Variants in HUS1 observed in about 807,000 individuals in gnomAD.
HUS1 encodes checkpoint protein HUS1.
A neutral mutation model predicts 32.6 loss-of-function variants in HUS1; 31 were observed. That is an observed-to-expected ratio of 0.95 (90% CI 0.72 to 1.28). The LOEUF is 1.28. Among genes scored for constraint, HUS1 ranks in the 50% most tolerant of loss-of-function variants. HUS1 has a pLI of 0.00. For synonymous variants in HUS1, 123 were observed against 116.6 expected (o/e 1.06, Z -0.36); for missense variants, 340 against 337.7 (o/e 1.01, Z -0.05).
chr7:47,975,692 A>G lies in HUS1; in HGVS notation c.466-5T>C. 1.3e-6 allele frequency: 2 copies of G among 1,548,752 alleles called. No individual in the cohort carries two copies. Among genetic ancestry groups the G allele is most frequent in the Non-Finnish European group, 1.8e-6 (2 of 1,128,172 alleles). ...GACTGGTAAATAAATACTAACCTAC[A>G]AAACCAATGAGAAAAAAGCACAAGT... On this transcript the variant is annotated splice_region_variant and splice_polypyrimidine_tract_variant and intron_variant, in intron 4 of 7. Transcript: ENST00000258774.
At chr7:47,968,796 TTTTGC>T (rs1788534131) in intron 6 of HUS1, 1 of 159,710 alleles carries the variant, frequency 6.3e-6, no homozygotes, top group Non-Finnish European at 1.4e-5. Context: ...AGTGAAACAG[TTTTGC>T]ATCTGCTACA....
At chr7:47,975,396 T>C (rs1788681653) in intron 5 of HUS1, among the ~76,000 whole-genome samples, 2 of 151,466 alleles carry the variant, frequency 1.3e-5, no homozygotes. Context: ...AAGGCAAATA[T>C]AAAAGCTTTC....
intron 5 of HUS1, among the ~76,000 whole-genome samples, chr7:47,975,381 G>T (rs910866649): frequency 1.4e-4 from 21 of 151,390 alleles, no homozygotes; most frequent in African/African-American, 5.1e-4. Flanking sequence ...AAAACAGGCA[G>T]ATTAAAGGCA....
intron 5 of HUS1, among the ~76,000 whole-genome samples, chr7:47,972,866 T>G (rs1055884192): frequency 6.6e-6 from 1 of 152,188 alleles, no homozygotes. Context: ...AGATAACATT[T>G]GAAGTACAAT....
At chr7:47,967,354 G>C (rs1473545291) in intron 7 of HUS1, among the ~76,000 whole-genome samples, 1 of 152,188 alleles carries the variant, frequency 6.6e-6, no homozygotes, top group Non-Finnish European at 1.5e-5. Flanking sequence ...ACAGATATGG[G>C]GCAGCGAATG....
At position 47,965,288 on chromosome 7, in the gene HUS1, A is replaced by G; in HGVS notation, c.*68T>C. 2.0e-6 allele frequency: 2 copies of G among 1,003,098 alleles called. No individual in the cohort carries two copies. Among genetic ancestry groups the G allele is most frequent in the Non-Finnish European group, 3.2e-6 (2 of 623,306 alleles). The allele number at this position is 1,003,098 out of a possible 1,614,324, so 62.1% of individuals were successfully genotyped here. On this transcript the variant is annotated 3_prime_UTR_variant, in exon 8 of 8. Transcript: ENST00000258774. Reference sequence around the variant, plus strand: ...GCTGTGAGGGCACAGACCAGTGATCAGAACACAACACCTGCGGCCTCTCCC... The same window carrying G: ...GCTGTGAGGGCACAGACCAGTGATCGGAACACAACACCTGCGGCCTCTCCC...
intron 5 of HUS1, among the ~76,000 whole-genome samples, chr7:47,973,896 CCT>C (rs1788646641): frequency 6.6e-6 from 1 of 152,334 alleles, no homozygotes; most frequent in African/African-American, 2.4e-5. Flanking sequence ...CTCTCCTGGG[CCT>C]CTCTGAATTT....
intron 5 of HUS1, among the ~76,000 whole-genome samples, chr7:47,974,961 C>T (rs1365972845): frequency 1.3e-5 from 2 of 152,222 alleles, no homozygotes; most frequent in African/African-American, 4.8e-5. Context: ...AAACTCCAAA[C>T]TCACTGTCAG....
intron 5 of HUS1, chr7:47,971,468 C>T (rs1230941098): frequency 2.2e-6 from 1 of 456,616 alleles, no homozygotes; most frequent in Non-Finnish European, 4.4e-6. Context: ...TCCTTTGAAG[C>T]TCCTCTACCC....
intron 1 of HUS1, among the ~76,000 whole-genome samples, chr7:47,979,123 G>A (rs529926976): frequency 6.6e-6 from 1 of 152,190 alleles, no homozygotes; most frequent in African/African-American, 2.4e-5. Context: ...GCAAGGTTAG[G>A]CACTGTCAGG....
intron 3 of HUS1, 116 bp from the exon 4 acceptor site, chr7:47,976,953 C>A: frequency 1.5e-6 from 1 of 645,782 alleles, no homozygotes; most frequent in Non-Finnish European, 2.7e-6. Flanking sequence ...GGAATGCTGT[C>A]AGTTTATTCA....
At chr7:47,968,887 C>A in intron 6 of HUS1, 1 of 180,644 alleles carries the variant, frequency 5.5e-6, no homozygotes, top group Non-Finnish European at 1.1e-5. Flanking sequence ...GAATCCATGC[C>A]AGGTGAGAAA....
At position 47,978,708 on chromosome 7, in the gene HUS1, A is replaced by G; in HGVS notation, c.161T>C (p.Met54Thr). The change falls in exon 2 of 8, where the codon ATG becomes ACG. Residue 54 changes from methionine to threonine, a missense_variant. By Grantham distance (81) the Met-to-Thr change is moderately conservative. Coordinates refer to ENST00000258774, the MANE Select transcript of HUS1 (RefSeq NM_004507.4). ...GCTCACCTGTTCCAGCTCACACCAC[A>G]TGCTCACTCCTCCATTAGCCAGCTT... ...CDKLANGGVS[M>T]WCELEQENFF... 2 of 1,614,162 alleles carry G rather than the reference A, an allele frequency of 1.2e-6. No individual in the cohort carries two copies. Among genetic ancestry groups the G allele is most frequent in the Non-Finnish European group, 1.7e-6 (2 of 1,180,010 alleles).
At chr7:47,965,953 T>C (rs1014796871) in intron 7 of HUS1, among the ~76,000 whole-genome samples, 1 of 150,546 alleles carries the variant, frequency 6.6e-6, no homozygotes, top group Admixed American at 6.6e-5. Flanking sequence ...AAAGAGCACA[T>C]GAGGGTGGGC....
intron 4 of HUS1, chr7:47,976,365 T>C (rs1562590423): frequency 2.2e-6 from 1 of 460,810 alleles, no homozygotes; most frequent in East Asian, 6.8e-5. Context: ...TCTTCTCTTC[T>C]TGGCTTTCGT....
At chr7:47,972,684 C>A (rs1412555431) in intron 5 of HUS1, among the ~76,000 whole-genome samples, 1 of 113,364 alleles carries the variant, frequency 8.8e-6, no homozygotes, top group African/African-American at 2.9e-5. Flanking sequence ...CCTGTCATAG[C>A]TGCACTGTTA....
intron 7 of HUS1, among the ~76,000 whole-genome samples, chr7:47,966,679 C>A (rs546950022): frequency 1.7e-4 from 26 of 152,280 alleles, no homozygotes; most frequent in African/African-American, 6.0e-4. Context: ...CTTTACATGA[C>A]CTTCAGGCGA....
chr7:47,968,046 G>A, intron 6 of HUS1, 121 bp from the exon 7 acceptor site: 2 of 939,438 alleles, frequency 2.1e-6, no homozygotes, highest in Non-Finnish European at 3.1e-6. Flanking sequence ...GCATCCTGAA[G>A]AAATATTGCA....
chr7:47,967,692 CTT>C (rs10711783), intron 7 of HUS1, 112 bp downstream of exon 7: 23,931 of 669,526 alleles, frequency 0.036, no homozygotes, highest in East Asian at 0.044. Flanking sequence ...CATAATTGAG[CTT>C]TTTTTTTTTT....
Sources: gnomAD v4.1 joint callset for allele counts (sites outside exome capture counted in the v4.1 genomes callset) on GRCh38, gnomAD v4.1.1 for gene constraint, MANE v1.5 for transcripts, NCBI Gene and HGNC (gene_info 2026-07-23, HGNC 2026-07-21) for gene names.